The following WDR70 variants were observed in gnomAD, a reference collection of about 807,000 sequenced individuals.
WDR70 encodes WD repeat-containing protein 70.
WDR70 carries 53 observed loss-of-function variants against 88.6 expected under a neutral mutation model. That is an observed-to-expected ratio of 0.60 (90% CI 0.48 to 0.75). WDR70 has a LOEUF of 0.75. Among genes scored for constraint, WDR70 ranks in the 30% least tolerant of loss-of-function variants. WDR70 has a pLI of 0.00. For missense variants in WDR70, 610 were observed against 823.2 expected, an observed-to-expected ratio of 0.74 and a Z score of 3.17; for synonymous variants, 280 against 270.0, an observed-to-expected ratio of 1.04 and a Z score of -0.36.
chr5:37,497,961 A>G (rs1740280504), intron 8 of WDR70, among the ~76,000 whole-genome samples: 1 of 152,152 alleles, frequency 6.6e-6, no homozygotes, highest in South Asian at 2.1e-4. Flanking sequence ...AGCTGGGATT[A>G]TAAGCGTGCT....
intron 7 of WDR70, among the ~76,000 whole-genome samples, chr5:37,461,268 A>T (rs1480040533): frequency 6.6e-6 from 1 of 152,026 alleles, no homozygotes. Context: ...ACAACCGCTT[A>T]TTATTTTGCT....
chr5:37,396,269 C>A (rs1211594424), intron 4 of WDR70, 106 bp from the exon 5 acceptor site: 11 of 1,344,518 alleles, frequency 8.2e-6, no homozygotes, highest in East Asian at 7.8e-5. Context: ...TAAAAAATAC[C>A]CAGTTGTTAA....
intron 7 of WDR70, chr5:37,479,494 C>G (rs1378313946): frequency 5.9e-6 from 1 of 168,482 alleles, no homozygotes; most frequent in Non-Finnish European, 1.3e-5. Context: ...CTCAGCCTCC[C>G]AAGTAGCTGA....
At chr5:37,499,719 A>G (rs1161998731) in intron 8 of WDR70, among the ~76,000 whole-genome samples, 1 of 149,366 alleles carries the variant, frequency 6.7e-6, no homozygotes, top group African/African-American at 2.5e-5. Context: ...GCTCCTGGCT[A>G]ATGTTTTGTA....
intron 9 of WDR70, among the ~76,000 whole-genome samples, chr5:37,531,736 G>A (rs1221254237): frequency 6.6e-6 from 1 of 151,728 alleles, no homozygotes; most frequent in Non-Finnish European, 1.5e-5. Context: ...TTTAAGTGGA[G>A]CAGTTAGGCC....
intron 13 of WDR70, among the ~76,000 whole-genome samples, chr5:37,714,370 CAT>C (rs1426438789): frequency 6.6e-6 from 1 of 152,134 alleles, no homozygotes; most frequent in Non-Finnish European, 1.5e-5. Flanking sequence ...GTAGACCAAA[CAT>C]AGAAAAACCA....
intron 7 of WDR70, 22 bp downstream of exon 7, chr5:37,443,394 A>C: frequency 6.2e-7 from 1 of 1,612,788 alleles, no homozygotes; most frequent in East Asian, 2.2e-5. Flanking sequence ...CTTACTTAAT[A>C]TCTTCATATT....
intron 5 of WDR70, among the ~76,000 whole-genome samples, chr5:37,433,854 G>T (rs1019737800): frequency 6.6e-5 from 10 of 152,118 alleles, no homozygotes; most frequent in African/African-American, 2.4e-4. Flanking sequence ...GTCTTATTTT[G>T]CTTTTCTGGA....
chr5:37,402,743 TTC>T (rs1227931745), intron 5 of WDR70, among the ~76,000 whole-genome samples: 1 of 151,998 alleles, frequency 6.6e-6, no homozygotes, highest in Non-Finnish European at 1.5e-5. Flanking sequence ...CTAGGTCTTA[TTC>T]TCTCTATCTG....
intron 4 of WDR70, among the ~76,000 whole-genome samples, chr5:37,392,547 C>G (rs746723109): frequency 7.2e-5 from 11 of 152,094 alleles, no homozygotes; most frequent in Non-Finnish European, 1.3e-4. Context: ...ACAGGTTTTA[C>G]CATGTTGGCC....
At chr5:37,564,256 G>C (rs938143058) in intron 9 of WDR70, among the ~76,000 whole-genome samples, 2 of 152,302 alleles carry the variant, frequency 1.3e-5, no homozygotes, top group African/African-American at 4.8e-5. Context: ...GAGTGAACGC[G>C]ACTCCGTCTG....
intron 7 of WDR70, 48 bp downstream of exon 7, chr5:37,443,420 A>C: frequency 6.3e-7 from 1 of 1,598,228 alleles, no homozygotes; most frequent in Admixed American, 1.7e-5. Flanking sequence ...TAATGTCTTC[A>C]CATTGGAAGA....
chr5:37,601,671 A>T (rs1200899174), intron 9 of WDR70, among the ~76,000 whole-genome samples: 1 of 151,988 alleles, frequency 6.6e-6, no homozygotes, highest in Non-Finnish European at 1.5e-5. Flanking sequence ...TTTGATGGTG[A>T]ACTCTTATTA....
At chr5:37,677,975 C>T (rs1437463454) in intron 10 of WDR70, among the ~76,000 whole-genome samples, 2 of 152,136 alleles carry the variant, frequency 1.3e-5, no homozygotes, top group African/African-American at 2.4e-5. Context: ...GATCCCTTTA[C>T]CATTATGTAA....
At chr5:37,728,351 A>T (rs1748047874) in intron 17 of WDR70, among the ~76,000 whole-genome samples, 1 of 67,630 alleles carries the variant, frequency 1.5e-5, no homozygotes, top group Non-Finnish European at 3.1e-5. Context: ...TTGCCTCCAA[A>T]AAAAAAAAAA....
intron 5 of WDR70, among the ~76,000 whole-genome samples, chr5:37,419,445 C>T (rs1303061866): frequency 6.6e-6 from 1 of 151,306 alleles, no homozygotes; most frequent in Non-Finnish European, 1.5e-5. Flanking sequence ...ACCTGGTGAT[C>T]CACCTGCCTC....
chr5:37,423,046 T>C (rs185527075), intron 5 of WDR70, among the ~76,000 whole-genome samples: 166 of 152,204 alleles, frequency 1.1e-3, no homozygotes, highest in African/African-American at 3.9e-3. Context: ...AAGAATAGTA[T>C]TGTAGAGAGC....
intron 7 of WDR70, among the ~76,000 whole-genome samples, chr5:37,478,675 T>C (rs543607825): frequency 6.6e-6 from 1 of 152,168 alleles, no homozygotes; most frequent in Non-Finnish European, 1.5e-5. Context: ...TCTGAGATAT[T>C]TCAGGAATGG....
chr5:37,421,159 G>A (rs1337476697), intron 5 of WDR70, among the ~76,000 whole-genome samples: 1 of 152,180 alleles, frequency 6.6e-6, no homozygotes, highest in Non-Finnish European at 1.5e-5. Context: ...AAATGGCGGA[G>A]TCAGGTTTCA....
Sources: allele counts gnomAD v4.1 joint callset (sites outside exome capture counted in the v4.1 genomes callset), GRCh38; gene constraint gnomAD v4.1.1; transcripts MANE v1.5; gene names NCBI Gene and HGNC (gene_info 2026-07-23, HGNC 2026-07-21).